The following RASGRF1 variants were observed in gnomAD, a reference collection of about 807,000 sequenced individuals.
RASGRF1 encodes Ras protein specific guanine nucleotide releasing factor 1.
A neutral mutation model predicts 138.7 loss-of-function variants in RASGRF1; 40 were observed. The ratio of observed to expected loss-of-function variants is 0.29; its 90% CI spans 0.22 to 0.38. The LOEUF (loss-of-function observed/expected upper bound fraction) is 0.38, where lower values mean the gene tolerates loss of function less well. Ranked by LOEUF, RASGRF1 falls within the 10% of genes least tolerant of loss-of-function variation. The pLI is 1.00. For missense variants in RASGRF1, 1,108 were observed against 1,650.4 expected (o/e 0.67, Z 5.69); for synonymous variants, 614 against 663.2 (o/e 0.93, Z 1.14).
chr15:79,053,757 G>A (rs2141039339), intron 3 of RASGRF1, among the ~76,000 whole-genome samples: 1 of 152,332 alleles, frequency 6.6e-6, no homozygotes, highest in East Asian at 1.9e-4. Context: ...AGAAGAGACG[G>A]GCTGGCTTCA....
intron 20 of RASGRF1, among the ~76,000 whole-genome samples, chr15:78,993,912 C>T (rs2056333773): frequency 6.6e-6 from 1 of 152,192 alleles, no homozygotes; most frequent in African/African-American, 2.4e-5. Flanking sequence ...TGACAACTTC[C>T]TCCACCTTTT....
chr15:78,993,039 T>C (rs1376102701), intron 20 of RASGRF1, among the ~76,000 whole-genome samples: 2 of 151,056 alleles, frequency 1.3e-5, no homozygotes, highest in Non-Finnish European at 3.0e-5. Context: ...GGGTGGTGTG[T>C]GTGTGCCATG....
intron 10 of RASGRF1, 63 bp downstream of exon 10, chr15:79,025,251 C>A: frequency 6.6e-7 from 1 of 1,511,798 alleles, no homozygotes; most frequent in South Asian, 1.3e-5. Flanking sequence ...GACCCTCTGG[C>A]CAGGACAGCG....
At chr15:78,979,125 C>T in intron 24 of RASGRF1, 1 of 1,289,882 alleles carries the variant, frequency 7.8e-7, no homozygotes, top group South Asian at 1.2e-5. Context: ...GGGCAGCTCC[C>T]CACAAGCACA....
intron 5 of RASGRF1, among the ~76,000 whole-genome samples, chr15:79,035,973 T>C (rs954974841): frequency 5.3e-5 from 8 of 152,206 alleles, no homozygotes; most frequent in African/African-American, 1.4e-4. Flanking sequence ...CGTATTCTCA[T>C]TGGCAGCTTA....
At chr15:79,015,494 A>G in intron 12 of RASGRF1, 85 bp from the exon 13 acceptor site, 1 of 1,260,398 alleles carries the variant, frequency 7.9e-7, no homozygotes, top group Non-Finnish European at 1.2e-6. Context: ...TGTAAAGTTC[A>G]CATGCCTCAG....
intron 26 of RASGRF1, among the ~76,000 whole-genome samples, chr15:78,970,303 C>G (rs1364520345): frequency 6.6e-6 from 1 of 151,956 alleles, no homozygotes; most frequent in Non-Finnish European, 1.5e-5. Flanking sequence ...AGTGGATCAC[C>G]TGAGGTCAGG....
At chr15:79,037,328 A>G (rs1293568000) in intron 5 of RASGRF1, among the ~76,000 whole-genome samples, 1 of 151,050 alleles carries the variant, frequency 6.6e-6, no homozygotes, top group Non-Finnish European at 1.5e-5. Flanking sequence ...TTTTGGCACC[A>G]GGGACTGGTT....
rs144574947 is a variant in RASGRF1 at position 79,024,132 on chromosome 15, C to T, written c.1542+1182G>A. On this transcript the variant is annotated intron_variant, in intron 10 of 26. Coordinates refer to ENST00000558480, the MANE Select transcript of RASGRF1 (RefSeq NM_001145648.3). ...AGAGACACATGTACACAAAAACATACACCACACACAGACACACACACATAT... is the reference window on the plus strand; with the variant it reads ...AGAGACACATGTACACAAAAACATATACCACACACAGACACACACACATAT... Among the ~76,000 whole-genome samples the T allele has an allele frequency of 2.8e-3, 428 of 151,302 alleles. 1 individual carries two copies. Among genetic ancestry groups the T allele is most frequent in the African/African-American group, 9.5e-3 (392 of 41,180 alleles).
In RASGRF1 at chr15:79,049,347, G is replaced by C. The variant is rs917990987; in HGVS notation, c.624+149C>G. The stretch of plus-strand genomic sequence containing the variant: ...TGACAGGGTACCCTTCAGGGATAAG[G>C]GAGTGTGGGCTCTGTCTTTGGAGCT... On this transcript the variant is annotated intron_variant, in intron 4 of 26. Transcript: ENST00000558480. The C allele has an allele frequency of 1.4e-5, 10 of 715,122 alleles. No individual in the cohort carries two copies. In the East Asian group the frequency reaches 2.7e-4, roughly 20 times the overall value. 44.3% of individuals were successfully genotyped at this position (715,122 alleles called of 1,614,324 possible).
intron 5 of RASGRF1, among the ~76,000 whole-genome samples, chr15:79,038,572 TA>T (rs974075087): frequency 1.3e-5 from 2 of 152,250 alleles, no homozygotes; most frequent in Non-Finnish European, 2.9e-5. Context: ...TATTTCTTTT[TA>T]AAAAATTGCC....
At chr15:79,069,773 G>T (rs946467760) in intron 1 of RASGRF1, among the ~76,000 whole-genome samples, 7 of 152,182 alleles carry the variant, frequency 4.6e-5, no homozygotes, top group African/African-American at 1.7e-4. Context: ...TGCCTGGGCT[G>T]AAAAGGCCTT....
At chr15:79,010,001 GA>G (rs1182354291) in intron 13 of RASGRF1, among the ~76,000 whole-genome samples, 1 of 151,024 alleles carries the variant, frequency 6.6e-6, no homozygotes, top group African/African-American at 2.4e-5. Context: ...GGGATTACAG[GA>G]GTGAGCCACT....
At chr15:79,010,022 CTCTT>C (rs906819228) in intron 13 of RASGRF1, among the ~76,000 whole-genome samples, 3 of 149,362 alleles carry the variant, frequency 2.0e-5, no homozygotes, top group African/African-American at 4.9e-5. Flanking sequence ...TGCACCCAGC[CTCTT>C]TGTTTGTTTT....
chr15:79,041,116 G>A (rs966696228), intron 5 of RASGRF1, among the ~76,000 whole-genome samples: 2 of 152,246 alleles, frequency 1.3e-5, no homozygotes, highest in African/African-American at 4.8e-5. Flanking sequence ...CATAGCTGCT[G>A]TTTTTGCGTG....
chr15:78,973,291 G>T lies in RASGRF1; in HGVS notation c.3612+12C>A, dbSNP rs538217308. 6 of 1,582,264 alleles carry T rather than the reference G, an allele frequency of 3.8e-6. No individual in the cohort carries two copies. The East Asian group carries it at 1.1e-4, about 30-fold the overall frequency. On this transcript the variant is annotated intron_variant, in intron 25 of 26. Transcript: ENST00000558480. The surrounding 1 kb of genome is among the most constrained non-coding windows in gnomAD (Gnocchi z 4.9). ...ACGCCCCCCTTCCCCTGCCTGGCTG[G>T]GGGGAACGCACCATCCTCATCTTGG...
chr15:79,012,139 A>G (rs990714055), intron 13 of RASGRF1, among the ~76,000 whole-genome samples: 13 of 152,144 alleles, frequency 8.5e-5, no homozygotes, highest in African/African-American at 3.1e-4. Context: ...CCACAATTGC[A>G]TCAAGGTCAT....
intron 24 of RASGRF1, among the ~76,000 whole-genome samples, chr15:78,976,575 C>CACACACAT (rs2055876692): frequency 6.6e-6 from 1 of 151,890 alleles, no homozygotes; most frequent in African/African-American, 2.4e-5. Flanking sequence ...CACACACACA[C>CACACACAT]ACACACACAC....
chr15:79,024,989 CACAG>C (rs1006937771), intron 10 of RASGRF1, among the ~76,000 whole-genome samples: 3 of 150,590 alleles, frequency 2.0e-5, no homozygotes, highest in African/African-American at 7.5e-5. Flanking sequence ...CACAAACACA[CACAG>C]ACACACACAC....
Sources: gnomAD v4.1 joint callset for allele counts (sites outside exome capture counted in the v4.1 genomes callset) on GRCh38, gnomAD v4.1.1 for gene constraint, Gnocchi (gnomAD v3.1) non-coding constraint, MANE v1.5 for transcripts, NCBI Gene and HGNC (gene_info 2026-07-23, HGNC 2026-07-21) for gene names.